The following LMOD3 variants were observed in gnomAD, a reference collection of about 807,000 sequenced individuals.
LMOD3 encodes leiomodin 3.
In LMOD3, 31 loss-of-function variants were observed where a neutral mutation model predicts 41.8. The ratio of observed to expected loss-of-function variants is 0.74; its 90% CI spans 0.56 to 1.00. LMOD3 has a LOEUF of 1.00. LMOD3 is among the 50% of genes least tolerant of loss of function. The pLI is 0.00. For missense variants in LMOD3, 755 were observed against 679.5 expected (o/e 1.11, Z -1.23); for synonymous variants, 292 against 241.9 (o/e 1.21, Z -1.92).
chr3:69,115,707 T>A (rs916789361), intron 2 of LMOD3, among the ~76,000 whole-genome samples: 1 of 152,166 alleles, frequency 6.6e-6, no homozygotes, highest in Non-Finnish European at 1.5e-5. Context: ...CAAGTGAACA[T>A]TGTCTTGTCT....
chr3:69,115,168 C>CA, intron 2 of LMOD3, among the ~76,000 whole-genome samples: 1 of 152,284 alleles, frequency 6.6e-6, no homozygotes, highest in East Asian at 1.9e-4. Context: ...CCACCGCTCC[C>CA]AGCCAGTAAC....
At chr3:69,110,838 C>CAAAAAAAAAAAAAAAAA (rs774402446) in intron 2 of LMOD3, among the ~76,000 whole-genome samples, 2 of 67,012 alleles carry the variant, frequency 3.0e-5, no homozygotes, top group East Asian at 5.5e-4. Flanking sequence ...GACACCATCT[C>CAAAAAAAAAAAAAAAAA]AAAAAAAAAA....
In LMOD3 at chr3:69,119,363, A is replaced by G. The variant is rs776501883; in HGVS notation, c.992T>C (p.Met331Thr). 1.2e-6 allele frequency: 2 copies of G among 1,614,014 alleles called. No homozygotes were observed. The highest frequency in any genetic ancestry group is 1.7e-6 in the Non-Finnish European group (2 of 1,179,888). ...CGTCTCATTAAACTGGAGACACCTC[A>G]TGATGGCCACAATCCCTTTACCTGT... Reference protein sequence around the residue: ...FITGKGIVAIMRCLQFNETLT... With the variant: ...FITGKGIVAITRCLQFNETLT... The change falls in exon 2 of 3, where the codon ATG becomes ACG. Residue 331 changes from methionine (M) to threonine (T), a missense_variant. Physicochemically the swap from Met to Thr is moderately conservative, Grantham distance 81. Coordinates refer to ENST00000420581, the MANE Select transcript of LMOD3 (RefSeq NM_198271.5).
In LMOD3 at chr3:69,119,615, C is replaced by A; in HGVS notation, c.740G>T (p.Arg247Ile). Residue 247 changes from arginine (R) to isoleucine (I), a missense_variant, in exon 2 of 3, where the codon AGA becomes ATA. Coordinates refer to ENST00000420581, the MANE Select transcript of LMOD3 (RefSeq NM_198271.5). ...CATGTCAGGATCATTTTTCCTAACT[C>A]TCCTCAAGCTCCCATCCAGGTCTGT... ...NQTDLDGSLRRVRKNDPDMKE... is the reference protein window; with the variant it reads ...NQTDLDGSLRIVRKNDPDMKE... 1 of 1,613,796 alleles carries A rather than the reference C, an allele frequency of 6.2e-7. No homozygotes were observed. The highest frequency in any genetic ancestry group is 8.5e-7 in the Non-Finnish European group (1 of 1,179,874).
Position 69,118,816 on chromosome 3 carries a change from A to G in LMOD3, c.1539T>C (p.Asp513=), listed in dbSNP as rs1223131549. 6.2e-7 allele frequency: 1 copy of G among 1,605,970 alleles called. No homozygotes were observed. The highest frequency in any genetic ancestry group is 8.5e-7 in the Non-Finnish European group (1 of 1,177,166). Residue 513 remains aspartate (D), a synonymous_variant, in exon 2 of 3, where the codon GAT becomes GAC. Transcript: ENST00000420581. Reference sequence around the variant, plus strand: ...GCACTGGCTTGAGCGTTTTGATGACATCTTTGAGGTTGGTTTTCTCGGGTG... The same window carrying G: ...GCACTGGCTTGAGCGTTTTGATGACGTCTTTGAGGTTGGTTTTCTCGGGTG... ...REPPEKTNLK[D]VIKTLKPVPR... is the part of the protein sequence containing the mutation.
At position 69,119,965 on chromosome 3, in the gene LMOD3, A is replaced by T; in HGVS notation, c.390T>A (p.Asn130Lys). 6.3e-7 allele frequency: 1 copy of T among 1,585,904 alleles called. No individual in the cohort carries two copies. The highest frequency in any genetic ancestry group is 1.3e-5 in the African/African-American group (1 of 74,164). ...KEKLNNEIVA[N>K]KRESKGSSNI... is the part of the protein sequence containing the mutation. ...TGCTGCTGCCCTTTGATTCTCTTTT[A>T]TTTGCAACTATTTCATTATTGAGCT... Residue 130 changes from asparagine (N) to lysine (K), a missense_variant, in exon 2 of 3, where the codon AAT becomes AAA. Transcript: ENST00000420581.
chr3:69,117,541 C>T (rs888016785), intron 2 of LMOD3, among the ~76,000 whole-genome samples: 14 of 152,122 alleles, frequency 9.2e-5, no homozygotes, highest in African/African-American at 1.7e-4. Context: ...CCTCAATAAA[C>T]GCCATCATAA....
chr3:69,119,833 T>C lies in LMOD3; in HGVS notation c.522A>G (p.Glu174=), dbSNP rs777811015. 3 of 1,574,708 alleles carry C rather than the reference T, an allele frequency of 1.9e-6. No individual in the cohort carries two copies. The African/African-American group carries it at 4.0e-5, about 21-fold the overall frequency. The change falls in exon 2 of 3, where the codon GAA becomes GAG. Residue 174 remains glutamate (E), a synonymous_variant. Coordinates refer to ENST00000420581, the MANE Select transcript of LMOD3 (RefSeq NM_198271.5). ...EESEETNREE[E]GKAKEQIRNC... ...TTCTAATTTGTTCCTTTGCTTTGCC[T>C]TCCTCTTCTCTGTTCGTTTCTTCAC... is the stretch of plus-strand genomic sequence containing the variant.
At chr3:69,118,323 CAT>C (rs1184514422) in intron 2 of LMOD3, among the ~76,000 whole-genome samples, 5 of 152,164 alleles carry the variant, frequency 3.3e-5, no homozygotes, top group African/African-American at 7.2e-5. Flanking sequence ...GTCTCCTCCA[CAT>C]GTTATTAAAT....
chr3:69,112,571 T>C lies in LMOD3; in HGVS notation c.1657-3450A>G, dbSNP rs564615653. Among the ~76,000 whole-genome samples the C allele has an allele frequency of 2.0e-5, 3 of 152,282 alleles. No homozygotes were observed. The East Asian group carries it at 5.8e-4, about 29-fold the overall frequency. On this transcript the variant is annotated intron_variant, in intron 2 of 2. Transcript: ENST00000420581. ...AAGAAGTAGCATTTGAGTCAAGCCT[T>C]GGAAATTGGATAGATTCTAACAGAG...
In LMOD3 at chr3:69,122,305, A is replaced by T; in HGVS notation, c.82T>A (p.Ser28Thr). 6.2e-7 allele frequency: 1 copy of T among 1,613,410 alleles called. No individual in the cohort carries two copies. Among genetic ancestry groups the T allele is most frequent in the South Asian group, 1.1e-5 (1 of 90,994 alleles). Reference sequence around the variant, plus strand: ...TGCAGTTCTTTCAGTTCTTCAGCAGACAAGTTGGCCAAGATTTCATCTTCA... The same window carrying T: ...TGCAGTTCTTTCAGTTCTTCAGCAGTCAAGTTGGCCAAGATTTCATCTTCA... ...INEDEILANL[S>T]AEELKELQSE... Residue 28 changes from serine to threonine, a missense_variant, in exon 1 of 3, where the codon TCT becomes ACT. Transcript: ENST00000420581.
At chr3:69,114,006 T>C (rs1265988227) in intron 2 of LMOD3, among the ~76,000 whole-genome samples, 1 of 152,066 alleles carries the variant, frequency 6.6e-6, no homozygotes, top group East Asian at 1.9e-4. Context: ...TTTAAAAACA[T>C]AGCTAAAAAC....
rs771393729 is a variant in LMOD3 at position 69,122,411 on chromosome 3, TAGAAA to T, written c.-30_-26del. The T allele has an allele frequency of 2.2e-5, 32 of 1,452,388 alleles. No homozygotes were observed. Among genetic ancestry groups the T allele is most frequent in the East Asian group, 7.4e-5 (3 of 40,518 alleles). The allele number at this position is 1,452,388 out of a possible 1,614,324, so 90.0% of individuals were successfully genotyped here. A position where few individuals can be genotyped will look rare whatever the true frequency, so the allele number is the denominator to read the frequency against. ...TTATTTTTTCTAAATATTATTTTAC[TAGAAA>T]AGAAGAATAATCAAAGATGATTTTT... On this transcript the variant is annotated 5_prime_UTR_variant, in exon 1 of 3. Transcript: ENST00000420581.
Position 69,118,851 on chromosome 3 carries a change from C to G in LMOD3, c.1504G>C (p.Ala502Pro). 1 of 1,604,894 alleles carries G rather than the reference C, an allele frequency of 6.2e-7. No individual in the cohort carries two copies. Among genetic ancestry groups the G allele is most frequent in the Non-Finnish European group, 8.5e-7 (1 of 1,177,010 alleles). ...RIQRKSRMPE[A>P]REPPEKTNLK... is the part of the protein sequence containing the mutation. ...TTGGTTTTCTCGGGTGGTTCTCTGG[C>G]TTCCGGCATCCGAGATTTGCGCTGG... The change falls in exon 2 of 3, where the codon GCC becomes CCC. Residue 502 changes from alanine (A) to proline (P), a missense_variant. Transcript: ENST00000420581.
At position 69,119,762 on chromosome 3, in the gene LMOD3, T is replaced by G; in HGVS notation, c.593A>C (p.Glu198Ala). ...TTGGGCCTCTGGTCTGTCTCTCTGT[T>G]CTTTGAATGCTTTGTCAGTTACCTG... ...CQQVTDKAFKEQRDRPEAQEQ... is the reference protein window; with the variant it reads ...CQQVTDKAFKAQRDRPEAQEQ... Residue 198 changes from glutamate to alanine, a missense_variant, in exon 2 of 3, where the codon GAA (glutamate) becomes GCA (alanine). Physicochemically the swap from Glu to Ala is moderately radical, Grantham distance 107. Transcript: ENST00000420581. 1 of 1,613,524 alleles carries G rather than the reference T, an allele frequency of 6.2e-7. No homozygotes were observed. The highest frequency in any genetic ancestry group is 8.5e-7 in the Non-Finnish European group (1 of 1,179,640).
At chr3:69,111,768 G>A (rs2092351268) in intron 2 of LMOD3, among the ~76,000 whole-genome samples, 1 of 152,022 alleles carries the variant, frequency 6.6e-6, no homozygotes, top group South Asian at 2.1e-4. Flanking sequence ...AAGAAAATGT[G>A]GCACTGACCC....
Position 69,122,208 on chromosome 3 carries a change from T to C in LMOD3, c.179A>G (p.Lys60Arg). 1.2e-6 allele frequency: 2 copies of C among 1,613,550 alleles called. No individual in the cohort carries two copies. Among genetic ancestry groups the C allele is most frequent in the East Asian group, 2.2e-5 (1 of 44,816 alleles). The change falls in exon 1 of 3, where the codon AAG becomes AGG. Residue 60 changes from lysine (K) to arginine (R), a missense_variant. Physicochemically the swap from Lys to Arg is conservative, Grantham distance 26. Transcript: ENST00000420581. ...ATGATTGAAGTTTCCTGTCGGTGGC[T>C]TGTCAGTTTGATCTTTCTGAATCAT... The part of the protein sequence containing the change: ...VGMIQKDQTD[K>R]PPTGNFNHKS...
chr3:69,118,479 G>A (rs947801464), intron 2 of LMOD3, among the ~76,000 whole-genome samples: 11 of 151,982 alleles, frequency 7.2e-5, no homozygotes, highest in African/African-American at 2.7e-4. Context: ...TGCTAATATC[G>A]TTGTTACAGA....
chr3:69,120,239 TGAG>T (rs1003095671), intron 1 of LMOD3, among the ~76,000 whole-genome samples, 179 bp from the exon 2 acceptor site: 18 of 103,494 alleles, frequency 1.7e-4, no homozygotes, highest in African/African-American at 7.0e-4. Flanking sequence ...TAAATTAAAA[TGAG>T]TATTAAAAGG....
Sources: allele counts gnomAD v4.1 joint callset (sites outside exome capture counted in the v4.1 genomes callset), GRCh38; gene constraint gnomAD v4.1.1; transcripts MANE v1.5; gene names NCBI Gene and HGNC (gene_info 2026-07-23, HGNC 2026-07-21).